Variants in UTRN observed in about 807,000 individuals in gnomAD.
UTRN encodes the protein dystrophin-related protein 1.
UTRN carries 283 observed loss-of-function variants against 463.9 expected under a neutral mutation model. That is an observed-to-expected ratio of 0.61 (90% CI 0.55 to 0.67). The LOEUF is 0.67. UTRN is among the 30% of genes least tolerant of loss of function. UTRN has a pLI of 0.00. For missense variants in UTRN, 3,922 were observed against 4,084.3 expected, an observed-to-expected ratio of 0.96 and a Z score of 1.08; for synonymous variants, 1,442 against 1,431.5, an observed-to-expected ratio of 1.01 and a Z score of -0.17.
chr6:144,426,268 C>A lies in UTRN; in HGVS notation c.406-19C>A, dbSNP rs1377827441. 3 of 1,604,962 alleles carry A rather than the reference C, an allele frequency of 1.9e-6. No individual in the cohort carries two copies. The Admixed American group carries it at 5.1e-5, about 27-fold the overall frequency. Reference sequence around the variant, plus strand: ...TACTGAAGTATTAGTTATGGACAGGCCTGGTTTCTCTTACATAGGTGAAAG... The same window carrying A: ...TACTGAAGTATTAGTTATGGACAGGACTGGTTTCTCTTACATAGGTGAAAG... On this transcript the variant is annotated intron_variant, in intron 6 of 74. Transcript: ENST00000367545.
intron 51 of UTRN, among the ~76,000 whole-genome samples, chr6:144,628,808 A>G (rs1562673674): frequency 1.3e-5 from 2 of 151,982 alleles, no homozygotes; most frequent in African/African-American, 2.4e-5. Context: ...ACGATTCACA[A>G]CTCTCATCTC....
chr6:144,780,943 C>T (rs1348090495), intron 60 of UTRN, among the ~76,000 whole-genome samples: 1 of 152,216 alleles, frequency 6.6e-6, no homozygotes, highest in Non-Finnish European at 1.5e-5. Flanking sequence ...TCAAATCGCA[C>T]CTCTCCAGGG....
intron 27 of UTRN, 132 bp from the exon 28 acceptor site, chr6:144,485,253 C>A: frequency 7.5e-7 from 1 of 1,326,234 alleles, no homozygotes; most frequent in Non-Finnish European, 1.0e-6. Flanking sequence ...GAAGTTTCAA[C>A]TCCATCAGTT....
At chr6:144,718,395 G>A (rs571843264) in intron 53 of UTRN, among the ~76,000 whole-genome samples, 11 of 152,290 alleles carry the variant, frequency 7.2e-5, no homozygotes, top group South Asian at 4.2e-4. Flanking sequence ...ACTTGAGCCC[G>A]GAAGTTCAAG....
chr6:144,385,037 A>G (rs930539924), intron 2 of UTRN, among the ~76,000 whole-genome samples: 2 of 152,112 alleles, frequency 1.3e-5, no homozygotes, highest in Non-Finnish European at 2.9e-5. Context: ...CATTCATCCA[A>G]ATCTTTTTGT....
In UTRN at chr6:144,671,433, C is replaced by T. The variant is rs9403576; in HGVS notation, c.7480-6973C>T. ...AGGGGTTGAATTCTTGATTTGTTCTCGGCTTGGTCACTGTTGGTGTATAGC... is the reference window on the plus strand; with the variant it reads ...AGGGGTTGAATTCTTGATTTGTTCTTGGCTTGGTCACTGTTGGTGTATAGC... On this transcript the variant is annotated intron_variant, in intron 51 of 74. Coordinates refer to ENST00000367545, the MANE Select transcript of UTRN (RefSeq NM_007124.3). Among the ~76,000 whole-genome samples the T allele has an allele frequency of 9.9e-5, 15 of 151,902 alleles. No individual in the cohort carries two copies. In the East Asian group the frequency reaches 1.4e-3, roughly 14 times the overall value.
chr6:144,336,484 A>AT (rs909173706), intron 2 of UTRN, among the ~76,000 whole-genome samples: 1 of 151,934 alleles, frequency 6.6e-6, no homozygotes, highest in Non-Finnish European at 1.5e-5. Context: ...ACTTGGACAC[A>AT]TTTTTTTTCC....
chr6:144,332,836 C>T (rs953129140), intron 2 of UTRN, among the ~76,000 whole-genome samples: 1 of 151,914 alleles, frequency 6.6e-6, no homozygotes, highest in Non-Finnish European at 1.5e-5. Flanking sequence ...TAATTAATAT[C>T]ATTATTTTTA....
chr6:144,343,890 C>T (rs1190405755), intron 2 of UTRN, among the ~76,000 whole-genome samples: 1 of 151,966 alleles, frequency 6.6e-6, no homozygotes. Context: ...CCCTTCCCAG[C>T]TGATACTGTC....
intron 64 of UTRN, among the ~76,000 whole-genome samples, chr6:144,800,670 A>G (rs1777623907): frequency 6.6e-6 from 1 of 152,216 alleles, no homozygotes; most frequent in South Asian, 2.1e-4. Flanking sequence ...TAGTTAATAC[A>G]TGAAAGTATC....
At chr6:144,407,943 CTT>C (rs1270891886) in intron 3 of UTRN, among the ~76,000 whole-genome samples, 1 of 152,114 alleles carries the variant, frequency 6.6e-6, no homozygotes, top group East Asian at 1.9e-4. Context: ...AAATTAAACA[CTT>C]ATTTCTGGAT....
intron 58 of UTRN, among the ~76,000 whole-genome samples, chr6:144,761,988 T>G (rs1792744026): frequency 6.6e-6 from 1 of 152,194 alleles, no homozygotes; most frequent in Admixed American, 6.5e-5. Flanking sequence ...TAATGATCAT[T>G]GTAATAAATT....
chr6:144,539,455 G>C lies in UTRN; in HGVS notation c.6519+12G>C. 1 of 1,574,554 alleles carries C rather than the reference G, an allele frequency of 6.4e-7. No homozygotes were observed. On this transcript the variant is annotated intron_variant, in intron 45 of 74. Coordinates refer to ENST00000367545, the MANE Select transcript of UTRN (RefSeq NM_007124.3). ...TGACATGGAATAAGGTGTGTGTAAAGTTACTATCACACATTTCTCATATTT... is the reference window on the plus strand; with the variant it reads ...TGACATGGAATAAGGTGTGTGTAAACTTACTATCACACATTTCTCATATTT...
intron 51 of UTRN, among the ~76,000 whole-genome samples, chr6:144,659,618 C>T (rs754335409): frequency 2.0e-5 from 3 of 152,118 alleles, no homozygotes; most frequent in Non-Finnish European, 4.4e-5. Flanking sequence ...AACCGGTGGC[C>T]TCTTGTCCTG....
intron 3 of UTRN, among the ~76,000 whole-genome samples, chr6:144,418,755 C>T (rs1034369028): frequency 2.7e-5 from 4 of 150,518 alleles, no homozygotes; most frequent in Admixed American, 1.3e-4. Context: ...GGTTTTGCCA[C>T]ATTGGCCAGG....
At chr6:144,718,894 G>C (rs1786793843) in intron 53 of UTRN, among the ~76,000 whole-genome samples, 1 of 152,202 alleles carries the variant, frequency 6.6e-6, no homozygotes, top group Non-Finnish European at 1.5e-5. Context: ...TCATGCTGGT[G>C]GTGCAGGTGG....
intron 58 of UTRN, among the ~76,000 whole-genome samples, chr6:144,760,052 A>C (rs1207600189): frequency 6.6e-6 from 1 of 152,138 alleles, no homozygotes; most frequent in African/African-American, 2.4e-5. Flanking sequence ...TATCATGATT[A>C]TCTGTGTGGT....
intron 3 of UTRN, among the ~76,000 whole-genome samples, chr6:144,416,997 T>C (rs1401957650): frequency 6.6e-6 from 1 of 152,206 alleles, no homozygotes; most frequent in South Asian, 2.1e-4. Context: ...ACTGTCAGGA[T>C]GAATCAGTTT....
At chr6:144,360,453 T>G (rs1026155586) in intron 2 of UTRN, among the ~76,000 whole-genome samples, 2 of 152,146 alleles carry the variant, frequency 1.3e-5, no homozygotes, top group Non-Finnish European at 2.9e-5. Context: ...GATTACAGGC[T>G]TGAGCCACTG....
Sources: allele counts gnomAD v4.1 joint callset (sites outside exome capture counted in the v4.1 genomes callset), GRCh38; gene constraint gnomAD v4.1.1; transcripts MANE v1.5; gene names NCBI Gene and HGNC (gene_info 2026-07-23, HGNC 2026-07-21).